Variants in SCD5 observed in about 807,000 individuals in gnomAD.
SCD5 encodes acyl-CoA-desaturase 4.
A neutral mutation model predicts 30.4 loss-of-function variants in SCD5; 20 were observed. The ratio of observed to expected loss-of-function variants is 0.66; its 90% CI spans 0.46 to 0.96. SCD5 has a LOEUF of 0.96. SCD5 is among the 40% of genes least tolerant of loss of function. SCD5 has a pLI of 0.00. For missense variants in SCD5, 381 were observed against 443.3 expected (o/e 0.86, Z 1.26); for synonymous variants, 173 against 176.4 (o/e 0.98, Z 0.16).
intron 2 of SCD5, among the ~76,000 whole-genome samples, chr4:82,699,870 C>T (rs1446034706): frequency 6.6e-6 from 1 of 151,770 alleles, no homozygotes; most frequent in East Asian, 2.0e-4. Flanking sequence ...CCATGTTGGC[C>T]AGGATGGTCT....
chr4:82,778,926 G>A (rs1301196738), intron 1 of SCD5, among the ~76,000 whole-genome samples: 4 of 150,612 alleles, frequency 2.7e-5, no homozygotes, highest in Admixed American at 6.6e-5. Flanking sequence ...GAGTGCAGCC[G>A]TACAATCTCA....
At chr4:82,783,890 T>A (rs1721932840) in intron 1 of SCD5, among the ~76,000 whole-genome samples, 1 of 151,996 alleles carries the variant, frequency 6.6e-6, no homozygotes, top group Non-Finnish European at 1.5e-5. Flanking sequence ...TTTTGATAAC[T>A]GTGCTGTGGT....
chr4:82,747,987 T>C (rs1464129695), intron 1 of SCD5, among the ~76,000 whole-genome samples: 2 of 152,170 alleles, frequency 1.3e-5, no homozygotes, highest in Non-Finnish European at 2.9e-5. Context: ...CAATCAATTG[T>C]GGAAGGCAGG....
At chr4:82,763,721 GC>G (rs1721427815) in intron 1 of SCD5, among the ~76,000 whole-genome samples, 1 of 152,234 alleles carries the variant, frequency 6.6e-6, no homozygotes, top group African/African-American at 2.4e-5. Flanking sequence ...GAGCAAGCCA[GC>G]CTTCCCACAT....
chr4:82,776,293 A>C (rs1721742836), intron 1 of SCD5, among the ~76,000 whole-genome samples: 2 of 152,216 alleles, frequency 1.3e-5, no homozygotes. Context: ...ATCCATGAAT[A>C]TTAAACCTTA....
intron 3 of SCD5, among the ~76,000 whole-genome samples, chr4:82,664,987 C>A (rs1272458219): frequency 1.1e-3 from 118 of 108,688 alleles, no homozygotes; most frequent in African/African-American, 1.3e-3. Context: ...CTCTCTCTCT[C>A]TCTCTCTCTC....
chr4:82,672,324 G>T (rs1483768556), intron 3 of SCD5, among the ~76,000 whole-genome samples: 5 of 151,984 alleles, frequency 3.3e-5, no homozygotes, highest in African/African-American at 1.2e-4. Context: ...AGAAAAAAGA[G>T]GTAGGGCACA....
intron 1 of SCD5, among the ~76,000 whole-genome samples, chr4:82,771,042 T>C (rs1262809293): frequency 6.6e-6 from 1 of 152,220 alleles, no homozygotes; most frequent in Non-Finnish European, 1.5e-5. Context: ...CACTGCTCAC[T>C]GCAGCCTCAA....
At chr4:82,642,380 C>CCCATATGT in intron 3 of SCD5, among the ~76,000 whole-genome samples, 1 of 152,266 alleles carries the variant, frequency 6.6e-6, no homozygotes, top group Non-Finnish European at 1.5e-5. Flanking sequence ...GAACATAGAC[C>CCCATATGT]TGGCCCCATA....
intron 2 of SCD5, among the ~76,000 whole-genome samples, chr4:82,699,965 C>T (rs1490853532): frequency 6.6e-6 from 1 of 151,834 alleles, no homozygotes; most frequent in Non-Finnish European, 1.5e-5. Context: ...TGGCCCAATC[C>T]CAGCACTTTG....
At chr4:82,633,028 GAATAC>G (rs1370230363) in intron 4 of SCD5, among the ~76,000 whole-genome samples, 1 of 152,098 alleles carries the variant, frequency 6.6e-6, no homozygotes, top group African/African-American at 2.4e-5. Flanking sequence ...TGATTTTCAA[GAATAC>G]AATACATTGT....
intron 1 of SCD5, among the ~76,000 whole-genome samples, chr4:82,738,496 G>C (rs1720802652): frequency 6.6e-6 from 1 of 152,156 alleles, no homozygotes; most frequent in Non-Finnish European, 1.5e-5. Flanking sequence ...TCCCCAGTTG[G>C]GGAAGAACAC....
intron 3 of SCD5, among the ~76,000 whole-genome samples, chr4:82,643,205 G>A (rs566922304): frequency 8.5e-5 from 13 of 152,178 alleles, no homozygotes; most frequent in African/African-American, 3.1e-4. Context: ...TGGTTTGATG[G>A]TTTCTCCAAA....
At position 82,712,275 on chromosome 4, in the gene SCD5, TATATATATATATATATATATATTTTA is replaced by T. The variant is rs1560540789; in HGVS notation, c.233-6888_233-6863del. ...ATATATATATATATATATATATATA[TATATATATATATATATATATATTTTA>T]TTTTTATTTTATTTTTTTTTTTTGA... On this transcript the variant is annotated intron_variant, in intron 1 of 4. Coordinates refer to ENST00000319540, the MANE Select transcript of SCD5 (RefSeq NM_001037582.3). 2.2e-3 allele frequency among the ~76,000 whole-genome samples: 110 copies of T among 50,576 alleles called. 9 individuals carry two copies. The highest frequency in any genetic ancestry group is 0.013 in the African/African-American group (105 of 8,358). 33.2% of individuals were successfully genotyped at this position (50,576 alleles called of 152,430 possible).
chr4:82,712,476 C>T (rs1295505531), intron 1 of SCD5, among the ~76,000 whole-genome samples: 1 of 149,422 alleles, frequency 6.7e-6, no homozygotes, highest in African/African-American at 2.5e-5. Context: ...TGCCATCACG[C>T]CTGGCTAATT....
At chr4:82,734,781 T>C (rs945451848) in intron 1 of SCD5, among the ~76,000 whole-genome samples, 2 of 151,938 alleles carry the variant, frequency 1.3e-5, no homozygotes, top group African/African-American at 2.4e-5. Flanking sequence ...TTTTTTTTTT[T>C]TGAGACAGGG....
chr4:82,782,888 G>A (rs553969265), intron 1 of SCD5, among the ~76,000 whole-genome samples: 1 of 152,310 alleles, frequency 6.6e-6, no homozygotes, highest in South Asian at 2.1e-4. Context: ...TGGAATTTCA[G>A]TCACTCTAAG....
intron 1 of SCD5, among the ~76,000 whole-genome samples, chr4:82,737,957 A>T (rs1384973127): frequency 1.3e-4 from 2 of 15,622 alleles, no homozygotes; most frequent in East Asian, 1.3e-3. Context: ...CTAATTAGCT[A>T]AAAAAAAAAA....
At chr4:82,747,196 T>C (rs1416112451) in intron 1 of SCD5, among the ~76,000 whole-genome samples, 1 of 152,154 alleles carries the variant, frequency 6.6e-6, no homozygotes, top group Non-Finnish European at 1.5e-5. Context: ...AATATTACTA[T>C]AAATATGTAT....
Sources: gnomAD v4.1 joint callset for allele counts (sites outside exome capture counted in the v4.1 genomes callset) on GRCh38, gnomAD v4.1.1 for gene constraint, MANE v1.5 for transcripts, NCBI Gene and HGNC (gene_info 2026-07-23, HGNC 2026-07-21) for gene names.